The following PTPRS variants were observed in gnomAD, a reference collection of about 807,000 sequenced individuals.
PTPRS encodes the protein protein tyrosine phosphatase receptor type S.
PTPRS carries 63 observed loss-of-function variants against 215.3 expected under a neutral mutation model. The observed-to-expected ratio is 0.29, with a 90% CI of 0.24 to 0.36. The LOEUF (loss-of-function observed/expected upper bound fraction) is 0.36. PTPRS is among the 10% of genes least tolerant of loss of function. The pLI is 1.00. For synonymous variants in PTPRS, 1,404 were observed against 1,191.4 expected (o/e 1.18, Z -3.68); for missense variants, 2,258 against 2,825.8 (o/e 0.80, Z 4.56).
At chr19:5,264,952 C>G (rs1328717310) in intron 5 of PTPRS, 56 bp downstream of exon 5, 16 of 1,588,852 alleles carry the variant, frequency 1.0e-5, no homozygotes, top group Non-Finnish European at 1.4e-5. Flanking sequence ...TGGAGATGCT[C>G]CCCACCCCCT....
intron 1 of PTPRS, among the ~76,000 whole-genome samples, chr19:5,304,388 G>C (rs1467031090): frequency 6.6e-6 from 1 of 152,144 alleles, no homozygotes; most frequent in Non-Finnish European, 1.5e-5. Flanking sequence ...GCTGAGGCAG[G>C]AGGATCGCTT....
chr19:5,218,134 T>C (rs1257190449), intron 25 of PTPRS, among the ~76,000 whole-genome samples: 1 of 151,868 alleles, frequency 6.6e-6, no homozygotes, highest in African/African-American at 2.4e-5. Flanking sequence ...ATTTGTGTTT[T>C]CTCCATTTTT....
chr19:5,264,635 C>T (rs528690006), intron 5 of PTPRS, among the ~76,000 whole-genome samples: 1 of 152,324 alleles, frequency 6.6e-6, no homozygotes, highest in Non-Finnish European at 1.5e-5. Flanking sequence ...CTATCACCCA[C>T]AACTGTCTGT....
chr19:5,208,094 AGGT>A, intron 36 of PTPRS, 37 bp from the exon 37 acceptor site: 1 of 1,601,782 alleles, frequency 6.2e-7, no homozygotes. Flanking sequence ...ATTCAGGGGC[AGGT>A]GCTGGGGAGC....
At chr19:5,308,721 G>A (rs1248857644) in intron 1 of PTPRS, among the ~76,000 whole-genome samples, 5 of 152,150 alleles carry the variant, frequency 3.3e-5, no homozygotes, top group Non-Finnish European at 7.4e-5. Context: ...GGCTCCAGGC[G>A]GGGAGAGAGA....
intron 6 of PTPRS, among the ~76,000 whole-genome samples, chr19:5,262,203 A>T (rs532333154): frequency 6.6e-6 from 1 of 152,160 alleles, no homozygotes; most frequent in African/African-American, 2.4e-5. Flanking sequence ...TGAATCGGGG[A>T]CGTGGAGGCT....
intron 1 of PTPRS, among the ~76,000 whole-genome samples, chr19:5,290,548 C>T (rs777996823): frequency 6.6e-6 from 1 of 152,086 alleles, no homozygotes; most frequent in Non-Finnish European, 1.5e-5. Flanking sequence ...TGACCCAGGC[C>T]GGGCAGCAAA....
At chr19:5,239,596 A>G (rs931812405) in intron 12 of PTPRS, among the ~76,000 whole-genome samples, 1 of 151,930 alleles carries the variant, frequency 6.6e-6, no homozygotes, top group African/African-American at 2.4e-5. Context: ...ACAGAGACAG[A>G]AACACAGAGA....
In PTPRS at chr19:5,339,612, AAG is replaced by A. The variant is rs1191555452; in HGVS notation, c.-95+1050_-95+1051del. ...CTTAATTTTAGGAGAGATTCCCATA[AAG>A]AGAGGTGAACTTGGCCGCAACCTGG... On this transcript the variant is annotated intron_variant, in intron 1 of 37. Coordinates refer to ENST00000262963, the MANE Select transcript of PTPRS (RefSeq NM_002850.4). This position sits in a 1 kb window ranked among gnomAD's most constrained non-coding sequence, Gnocchi z 4.2. Among the ~76,000 whole-genome samples the A allele has an allele frequency of 6.6e-6, 1 of 151,936 alleles. No individual in the cohort carries two copies. Among genetic ancestry groups the A allele is most frequent in the East Asian group, 1.9e-4 (1 of 5,134 alleles).
rs1290009986 is a variant in PTPRS at position 5,218,496 on chromosome 19, G to A, written c.3972C>T (p.Leu1324=). The A allele has an allele frequency of 6.2e-7, 1 of 1,614,162 alleles. No homozygotes were observed. The part of the protein sequence containing the change: ...RKDSEPRTKC[L]LNNADLAPHH... ...GAGGGGCGAGGTCGGCATTGTTCAG[G>A]AGGCATTTGGTGCGGGGTTCTGAGT... is the stretch of plus-strand genomic sequence containing the variant. Residue 1324 remains leucine (L), a synonymous_variant, in exon 25 of 38, where the codon CTC becomes CTT. Transcript: ENST00000262963.
intron 25 of PTPRS, among the ~76,000 whole-genome samples, chr19:5,217,809 T>G (rs746692953): frequency 1.3e-5 from 2 of 152,108 alleles, no homozygotes; most frequent in African/African-American, 4.8e-5. Flanking sequence ...CATGAGCCCA[T>G]GAAGAGGGAG....
intron 1 of PTPRS, among the ~76,000 whole-genome samples, chr19:5,292,396 C>T (rs748270534): frequency 1.3e-5 from 2 of 152,156 alleles, no homozygotes. Context: ...AAGGAACAGA[C>T]AGCTGAGGCC....
Position 5,221,212 on chromosome 19 carries a change from G to A in PTPRS, c.3243C>T (p.Thr1081=), listed in dbSNP as rs544797201. 6.2e-6 allele frequency: 10 copies of A among 1,613,950 alleles called. No individual in the cohort carries two copies. The highest frequency in any genetic ancestry group is 5.0e-5 in the Admixed American group (3 of 59,998). ...NGLTLDVDGR[T]TKKLITHLKP... is the part of the protein sequence containing the mutation. Reference sequence around the variant, plus strand: ...TGAGGTGCGTGATGAGCTTCTTGGTGGTACGGCCATCCACATCCAGTGTGA... The same window carrying A: ...TGAGGTGCGTGATGAGCTTCTTGGTAGTACGGCCATCCACATCCAGTGTGA... Residue 1081 remains threonine, a synonymous_variant, in exon 20 of 38, where the codon ACC becomes ACT. Coordinates refer to ENST00000262963, the MANE Select transcript of PTPRS (RefSeq NM_002850.4).
At chr19:5,275,129 G>C (rs972007432) in intron 2 of PTPRS, among the ~76,000 whole-genome samples, 3 of 151,582 alleles carry the variant, frequency 2.0e-5, no homozygotes, top group Non-Finnish European at 2.9e-5. Context: ...GGAGTACAGT[G>C]GTGTGATCTC....
Position 5,223,038 on chromosome 19 carries a change from G to A in PTPRS, c.2754C>T (p.Ala918=), listed in dbSNP as rs561705497. ...TGTCCTCCGGGATGCTCAGGACCTC[G>A]GCTGCCTCCTCGCCCAGGCCGCCGC... is the stretch of plus-strand genomic sequence containing the variant. ...RSRGGLGEEA[A]EVLSIPEDTP... The change falls in exon 18 of 38, where the codon GCC becomes GCT. Residue 918 remains alanine (A), a synonymous_variant. Transcript: ENST00000262963. The A allele has an allele frequency of 2.1e-5, 32 of 1,547,546 alleles. No homozygotes were observed. Among genetic ancestry groups the A allele is most frequent in the East Asian group, 1.5e-4 (6 of 41,190 alleles).
At chr19:5,292,467 T>A (rs530467411) in intron 1 of PTPRS, among the ~76,000 whole-genome samples, 2 of 152,188 alleles carry the variant, frequency 1.3e-5, no homozygotes, top group East Asian at 3.9e-4. Context: ...GCTCAGTACT[T>A]GGGTCCTGGA....
chr19:5,322,374 G>A (rs1029662298), intron 1 of PTPRS, among the ~76,000 whole-genome samples: 1 of 152,190 alleles, frequency 6.6e-6, no homozygotes, highest in East Asian at 1.9e-4. Context: ...CACCACGTCC[G>A]TGGGCAGGCA....
chr19:5,340,642 TTA>T lies in PTPRS; in HGVS notation c.-95+20_-95+21del, dbSNP rs1413239874. 23 of 147,980 alleles carry T rather than the reference TTA, an allele frequency of 1.6e-4. 1 individual carries two copies. The highest frequency in any genetic ancestry group is 2.5e-4 in the Non-Finnish European group (17 of 66,954). 9.2% of individuals were successfully genotyped at this position (147,980 alleles called of 1,614,324 possible). A position where few individuals can be genotyped will look rare whatever the true frequency, so the allele number is the denominator to read the frequency against. On this transcript the variant is annotated intron_variant, in intron 1 of 37. Coordinates refer to ENST00000262963, the MANE Select transcript of PTPRS (RefSeq NM_002850.4). ...TTTTTTTTTCCTCTAATCCATGATT[TTA>T]TTTTTTTTTTTGGCTTTACCTGGAG...
chr19:5,250,673 G>A (rs1358809409), intron 9 of PTPRS, among the ~76,000 whole-genome samples: 1 of 141,260 alleles, frequency 7.1e-6, no homozygotes, highest in Non-Finnish European at 1.6e-5. Context: ...GTGGGGGGGT[G>A]GCAGGTTGTG....
Sources: allele counts gnomAD v4.1 joint callset (sites outside exome capture counted in the v4.1 genomes callset), GRCh38; gene constraint gnomAD v4.1.1; non-coding constraint Gnocchi (gnomAD v3.1); transcripts MANE v1.5; gene names NCBI Gene and HGNC (gene_info 2026-07-23, HGNC 2026-07-21).